Variants in FGF14 observed in about 807,000 individuals in gnomAD.
The protein encoded by FGF14 is fibroblast growth factor 14.
A neutral mutation model predicts 25.5 loss-of-function variants in FGF14; 5 were observed. The ratio of observed to expected loss-of-function variants is 0.20; its 90% CI spans 0.10 to 0.41. The LOEUF is 0.41. FGF14 is among the 10% of genes least tolerant of loss of function. FGF14 has a pLI of 1.00. For missense variants in FGF14, 222 were observed against 320.1 expected (o/e 0.69, Z 2.34); for synonymous variants, 138 against 118.3 (o/e 1.17, Z -1.08).
intron 3 of FGF14, among the ~76,000 whole-genome samples, chr13:101,827,063 C>G (rs962974303): frequency 2.0e-5 from 3 of 151,864 alleles, no homozygotes; most frequent in African/African-American, 7.2e-5. Flanking sequence ...TTCTTAAGAA[C>G]ATGACAGCTT....
intron 1 of FGF14, among the ~76,000 whole-genome samples, chr13:102,118,340 A>G (rs1157967265): frequency 1.3e-5 from 2 of 151,650 alleles, no homozygotes; most frequent in Non-Finnish European, 2.9e-5. Context: ...AGAAAACCCT[A>G]TAATATTAAA....
chr13:102,121,608 A>C (rs939149978), intron 1 of FGF14, among the ~76,000 whole-genome samples: 1 of 152,226 alleles, frequency 6.6e-6, no homozygotes, highest in African/African-American at 2.4e-5. Flanking sequence ...ACTTGATCCA[A>C]GTGGAAATGT....
At chr13:101,871,265 T>G (rs984876078) in intron 2 of FGF14, among the ~76,000 whole-genome samples, 1 of 152,168 alleles carries the variant, frequency 6.6e-6, no homozygotes, top group Admixed American at 6.5e-5. Context: ...ACATTCTAGT[T>G]CTTCATATAA....
At chr13:102,386,379 G>A (rs185859431) in intron 1 of FGF14, among the ~76,000 whole-genome samples, 157 of 152,116 alleles carry the variant, frequency 1.0e-3, no homozygotes, top group Non-Finnish European at 2.0e-3. Context: ...TGATCTGCCC[G>A]CCTCAGCCTC....
chr13:101,897,015 T>A (rs1050113011), intron 1 of FGF14, among the ~76,000 whole-genome samples: 3 of 152,294 alleles, frequency 2.0e-5, no homozygotes, highest in Admixed American at 6.5e-5. Context: ...ATAACTTCTA[T>A]CTTTTTCTCC....
At chr13:102,257,205 C>T (rs577052027) in intron 1 of FGF14, among the ~76,000 whole-genome samples, 1 of 152,098 alleles carries the variant, frequency 6.6e-6, no homozygotes, top group Non-Finnish European at 1.5e-5. Flanking sequence ...AAAAAGCATA[C>T]CTGCCAACAG....
intron 3 of FGF14, among the ~76,000 whole-genome samples, chr13:101,745,156 A>C (rs2036806474): frequency 6.6e-6 from 1 of 152,092 alleles, no homozygotes; most frequent in Non-Finnish European, 1.5e-5. Flanking sequence ...ACTACATAGC[A>C]CACTTATTCT....
chr13:102,270,788 T>C (rs1253429431), intron 1 of FGF14, among the ~76,000 whole-genome samples: 2 of 152,214 alleles, frequency 1.3e-5, no homozygotes, highest in Admixed American at 6.5e-5. Flanking sequence ...TATTGATTAT[T>C]ATGAATTCAT....
intron 1 of FGF14, among the ~76,000 whole-genome samples, chr13:102,278,203 C>G (rs1437597989): frequency 6.6e-6 from 1 of 152,220 alleles, no homozygotes; most frequent in Non-Finnish European, 1.5e-5. Flanking sequence ...CAATGAGTCA[C>G]AGGCTAAGGG....
intron 3 of FGF14, among the ~76,000 whole-genome samples, chr13:101,856,151 T>C (rs2044115524): frequency 6.6e-6 from 1 of 151,858 alleles, no homozygotes; most frequent in Admixed American, 6.6e-5. Flanking sequence ...TTTTATTATT[T>C]TAATACAAGA....
chr13:101,822,945 T>C (rs549759807), intron 3 of FGF14, among the ~76,000 whole-genome samples: 19 of 152,334 alleles, frequency 1.2e-4, no homozygotes, highest in African/African-American at 4.6e-4. Flanking sequence ...ATTAGATTTT[T>C]TTTTAAGCTC....
At chr13:102,061,933 C>T (rs956384128) in intron 1 of FGF14, among the ~76,000 whole-genome samples, 8 of 152,186 alleles carry the variant, frequency 5.3e-5, no homozygotes, top group African/African-American at 1.7e-4. Context: ...CTAGCCACAA[C>T]CACTGTCTGA....
intron 1 of FGF14, among the ~76,000 whole-genome samples, chr13:102,087,407 CTT>C (rs71125043): frequency 3.4e-4 from 29 of 84,444 alleles, no homozygotes; most frequent in Admixed American, 5.2e-4. Flanking sequence ...ACTGTAATTT[CTT>C]TTTTTTTTTT....
chr13:101,842,870 C>T (rs1056189159), intron 3 of FGF14, among the ~76,000 whole-genome samples: 2 of 152,020 alleles, frequency 1.3e-5, no homozygotes, highest in Non-Finnish European at 2.9e-5. Context: ...TATAATTTAT[C>T]CTCCAAGCTG....
intron 1 of FGF14, among the ~76,000 whole-genome samples, chr13:102,039,069 G>A (rs550290599): frequency 1.9e-4 from 29 of 152,240 alleles, no homozygotes; most frequent in African/African-American, 7.0e-4. Context: ...ATAGACTCAG[G>A]TAAATGACAC....
intron 3 of FGF14, among the ~76,000 whole-genome samples, chr13:101,742,427 C>T (rs1383990423): frequency 1.3e-5 from 2 of 152,140 alleles, no homozygotes; most frequent in Non-Finnish European, 1.5e-5. Flanking sequence ...TAACCCTAAG[C>T]ATAGTGCAGA....
At chr13:102,326,284 A>G (rs1746103756) in intron 1 of FGF14, among the ~76,000 whole-genome samples, 1 of 152,230 alleles carries the variant, frequency 6.6e-6, no homozygotes. Context: ...TAAATATGCT[A>G]AAGTGACAAA....
intron 1 of FGF14, among the ~76,000 whole-genome samples, chr13:102,071,888 G>A (rs1256178584): frequency 1.3e-5 from 2 of 152,186 alleles, no homozygotes; most frequent in Non-Finnish European, 2.9e-5. Context: ...TGTGGGAGTG[G>A]TGGGAATTAC....
chr13:101,769,212 A>C lies in FGF14; in HGVS notation c.409-42402T>G, dbSNP rs578170143. 4.6e-5 allele frequency among the ~76,000 whole-genome samples: 7 copies of C among 152,306 alleles called. No homozygotes were observed. In the South Asian group the frequency reaches 1.2e-3, roughly 27 times the overall value. On this transcript the variant is annotated intron_variant, in intron 3 of 4. Transcript: ENST00000376143. ...ACATAAACATATGAAAAGATGTTCC[A>C]CATTATATGTCATCAGGGAAATGCA... is the stretch of plus-strand genomic sequence containing the variant.
Sources: allele counts gnomAD v4.1 joint callset (sites outside exome capture counted in the v4.1 genomes callset), GRCh38; gene constraint gnomAD v4.1.1; transcripts MANE v1.5; gene names NCBI Gene and HGNC (gene_info 2026-07-23, HGNC 2026-07-21).